TESK1: variants seen among roughly 807,000 people sequenced by gnomAD.
The protein encoded by TESK1 is testis associated actin remodelling kinase 1.
Under a neutral mutation model 59.9 loss-of-function variants are expected in TESK1, and 18 were observed. That is an observed-to-expected ratio of 0.30 (90% CI 0.21 to 0.45). The LOEUF (loss-of-function observed/expected upper bound fraction) is 0.45. TESK1 is among the 20% of genes least tolerant of loss of function. The pLI is 1.00. For synonymous variants in TESK1, 341 were observed against 357.4 expected, an observed-to-expected ratio of 0.95 and a Z score of 0.52; for missense variants, 748 against 840.9, an observed-to-expected ratio of 0.89 and a Z score of 1.37.
chr9:35,607,498 C>T lies in TESK1; in HGVS notation c.621-84C>T, dbSNP rs1822873361. ...CCCCAGGGATGTTTCCCTTGGGGAACGGAGGGAGTTCACCTCATCCCCTTT... is the reference window on the plus strand; with the variant it reads ...CCCCAGGGATGTTTCCCTTGGGGAATGGAGGGAGTTCACCTCATCCCCTTT... On this transcript the variant is annotated intron_variant, in intron 5 of 9. Transcript: ENST00000336395. This position sits in a 1 kb window ranked among gnomAD's most constrained non-coding sequence, Gnocchi z 4.5. 1.3e-5 allele frequency: 20 copies of T among 1,582,244 alleles called. No individual in the cohort carries two copies. The highest frequency in any genetic ancestry group is 1.5e-5 in the Non-Finnish European group (17 of 1,151,654).
In TESK1 at chr9:35,608,930, T is replaced by C. The variant is rs775572983; in HGVS notation, c.1069T>C (p.Ser357Pro). Residue 357 changes from serine (S) to proline (P), a missense_variant, in exon 10 of 10, where the codon TCA becomes CCA. By Grantham distance (74) the Ser-to-Pro change is moderately conservative (BLOSUM62 -1). This residue lies in a region of TESK1 where 447 missense variants were observed against 466.1 expected (regional missense o/e 0.96). Coordinates refer to ENST00000336395, the MANE Select transcript of TESK1 (RefSeq NM_006285.3). ...RPDPRLSRSR[S>P]DLFLPPSPES... Reference sequence around the variant, plus strand: ...AGATCCCCGGCTTTCCCGAAGCCGGTCAGACCTCTTCCTGCCCCCATCACC... The same window carrying C: ...AGATCCCCGGCTTTCCCGAAGCCGGCCAGACCTCTTCCTGCCCCCATCACC... 5 of 1,613,784 alleles carry C rather than the reference T, an allele frequency of 3.1e-6. No individual in the cohort carries two copies. The highest frequency in any genetic ancestry group is 3.3e-5 in the Admixed American group (2 of 59,992).
intron 3 of TESK1, 40 bp downstream of exon 3, chr9:35,606,325 C>T: frequency 1.9e-6 from 3 of 1,610,778 alleles, no homozygotes; most frequent in Non-Finnish European, 2.5e-6. Flanking sequence ...CACCCCCCTT[C>T]ACCCCCAAGG....
chr9:35,607,734 G>A lies in TESK1; in HGVS notation c.711+62G>A. On this transcript the variant is annotated intron_variant, in intron 6 of 9. Coordinates refer to ENST00000336395, the MANE Select transcript of TESK1 (RefSeq NM_006285.3). The surrounding 1 kb of genome is among the most constrained non-coding windows in gnomAD (Gnocchi z 4.5). ...GAGACCCTTGAGGTATTCTCATAAAGCCCCATCCATCCCCAAAACAACCCT... is the reference window on the plus strand; with the variant it reads ...GAGACCCTTGAGGTATTCTCATAAAACCCCATCCATCCCCAAAACAACCCT... 6.8e-7 allele frequency: 1 copy of A among 1,477,094 alleles called. No individual in the cohort carries two copies. Among genetic ancestry groups the A allele is most frequent in the East Asian group, 2.3e-5 (1 of 44,058 alleles). 91.5% of individuals were successfully genotyped at this position (1,477,094 alleles called of 1,614,324 possible).
At chr9:35,606,216 A>G (rs962340203) in intron 2 of TESK1, 21 bp from the exon 3 acceptor site, 14 of 1,614,038 alleles carry the variant, frequency 8.7e-6, no homozygotes, top group East Asian at 2.2e-5. Flanking sequence ...CTATCCTTCT[A>G]TCTTCCCCAT....
rs1414167547 is a variant in TESK1, at chr9:35,607,319, T to C, written c.538-8T>C. 6.2e-7 allele frequency: 1 copy of C among 1,614,126 alleles called. No homozygotes were observed. Among genetic ancestry groups the C allele is most frequent in the South Asian group, 1.1e-5 (1 of 91,086 alleles). On this transcript the variant is annotated splice_region_variant and splice_polypyrimidine_tract_variant and intron_variant, in intron 4 of 9. Coordinates refer to ENST00000336395, the MANE Select transcript of TESK1 (RefSeq NM_006285.3). This position sits in a 1 kb window ranked among gnomAD's most constrained non-coding sequence, Gnocchi z 4.5. ...AGTGCGTGGGGATACTATGTGTGTG[T>C]GTGTCAGAACTGTCTAGTCCGACGG...
In TESK1 at chr9:35,607,534, G is replaced by A. The variant is rs1490225679; in HGVS notation, c.621-48G>A. On this transcript the variant is annotated intron_variant, in intron 5 of 9. Coordinates refer to ENST00000336395, the MANE Select transcript of TESK1 (RefSeq NM_006285.3). This position sits in a 1 kb window ranked among gnomAD's most constrained non-coding sequence, Gnocchi z 4.5. Reference sequence around the variant, plus strand: ...CACCTCATCCCCTTTTGCCTGGGGGGGATGCCTGAATAGGATGCTTCTGAC... The same window carrying A: ...CACCTCATCCCCTTTTGCCTGGGGGAGATGCCTGAATAGGATGCTTCTGAC... The A allele has an allele frequency of 1.3e-6, 2 of 1,582,826 alleles. No homozygotes were observed. Among genetic ancestry groups the A allele is most frequent in the African/African-American group, 1.3e-5 (1 of 74,308 alleles).
In TESK1 at chr9:35,605,835, C is replaced by T. The variant is rs1822835412; in HGVS notation, c.216C>T (p.Tyr72=). Residue 72 remains tyrosine (Y), a synonymous_variant, in exon 1 of 10, where the codon TAC becomes TAT. Transcript: ENST00000336395. ...GGGCCGGCTTCTTCTCTGAGGTCTA[C>T]AAGGTAGGACCGGCCGAGAGGGCAG... ...KIGAGFFSEV[Y]KVRHRQSGQV... The T allele has an allele frequency of 6.2e-7, 1 of 1,610,380 alleles. No homozygotes were observed. The highest frequency in any genetic ancestry group is 8.5e-7 in the Non-Finnish European group (1 of 1,178,908).
In TESK1 at chr9:35,608,867, G is replaced by A. The variant is rs757889189; in HGVS notation, c.1006G>A (p.Val336Ile). 1.3e-6 allele frequency: 2 copies of A among 1,582,810 alleles called. No homozygotes were observed. Among genetic ancestry groups the A allele is most frequent in the South Asian group, 2.3e-5 (2 of 85,558 alleles). The change falls in exon 10 of 10, where the codon GTT (valine) becomes ATT (isoleucine). Residue 336 changes from valine (V) to isoleucine (I), a missense_variant. This residue lies in a region of TESK1 where 447 missense variants were observed against 466.1 expected (regional missense o/e 0.96). Transcript: ENST00000336395. ...RTALTHNQGS[V>I]ARGGPSATLP... ...CCAGACTTCTCTATCTACAGGCTCT[G>A]TTGCAAGAGGGGGTCCCTCTGCCAC...
At position 35,607,666 on chromosome 9, in the gene TESK1, T is replaced by C; in HGVS notation, c.705T>C (p.Asp235=). Reference sequence around the variant, plus strand: ...AGGTGTTACGGGGTGAGCTGTATGATGAGAAGGTGAGACATCAACCCTTCA... The same window carrying C: ...AGGTGTTACGGGGTGAGCTGTATGACGAGAAGGTGAGACATCAACCCTTCA... ...APEVLRGELY[D]EKADVFAFGI... is the part of the protein sequence containing the mutation. Residue 235 remains aspartate, a synonymous_variant, in exon 6 of 10, where the codon GAT becomes GAC. Transcript: ENST00000336395. The surrounding 1 kb of genome is among the most constrained non-coding windows in gnomAD (Gnocchi z 4.5). 1.9e-6 allele frequency: 3 copies of C among 1,613,402 alleles called. No individual in the cohort carries two copies. Among genetic ancestry groups the C allele is most frequent in the Non-Finnish European group, 2.5e-6 (3 of 1,179,450 alleles).
At position 35,607,508 on chromosome 9, in the gene TESK1, TCACCTC is replaced by T. The variant is rs1822873525; in HGVS notation, c.621-73_621-68del. 3 of 1,579,084 alleles carry T rather than the reference TCACCTC, an allele frequency of 1.9e-6. No homozygotes were observed. In the African/African-American group the frequency reaches 4.0e-5, roughly 21 times the overall value. Reference sequence around the variant, plus strand: ...GTTTCCCTTGGGGAACGGAGGGAGTTCACCTCATCCCCTTTTGCCTGGGGGGGATGC... The same window carrying T: ...GTTTCCCTTGGGGAACGGAGGGAGTTATCCCCTTTTGCCTGGGGGGGATGC... On this transcript the variant is annotated intron_variant, in intron 5 of 9. Transcript: ENST00000336395. The surrounding 1 kb of genome is among the most constrained non-coding windows in gnomAD (Gnocchi z 4.5).
intron 3 of TESK1, 78 bp downstream of exon 3, chr9:35,606,363 T>C: frequency 6.4e-7 from 1 of 1,559,762 alleles, no homozygotes; most frequent in South Asian, 1.1e-5. Flanking sequence ...GCCTGGTGGA[T>C]CTACGGAGGA....
chr9:35,606,183 G>A (rs1433115382), intron 2 of TESK1, 54 bp from the exon 3 acceptor site: 2 of 1,614,088 alleles, frequency 1.2e-6, no homozygotes, highest in Non-Finnish European at 1.7e-6. Context: ...TGGAACTGAG[G>A]AGGAGCTGAG....
At position 35,609,779 on chromosome 9, in the gene TESK1, C is replaced by T. The variant is rs777678872; in HGVS notation, c.*37C>T. On this transcript the variant is annotated 3_prime_UTR_variant, in exon 10 of 10. Coordinates refer to ENST00000336395, the MANE Select transcript of TESK1 (RefSeq NM_006285.3). This position sits in a 1 kb window ranked among gnomAD's most constrained non-coding sequence, Gnocchi z 6.7. Reference sequence around the variant, plus strand: ...GTGGTCTCAGGCCTCCAACTTTGGCCTTCAGGACACCCTGTAAGAACAGAG... The same window carrying T: ...GTGGTCTCAGGCCTCCAACTTTGGCTTTCAGGACACCCTGTAAGAACAGAG... The T allele has an allele frequency of 4.6e-6, 7 of 1,511,984 alleles. No homozygotes were observed. Among genetic ancestry groups the T allele is most frequent in the African/African-American group, 2.7e-5 (2 of 72,800 alleles). The allele number at this position is 1,511,984 out of a possible 1,614,324, so 93.7% of individuals were successfully genotyped here.
In TESK1 at chr9:35,605,803, A is replaced by G; in HGVS notation, c.184A>G (p.Lys62Glu). 11 of 1,611,834 alleles carry G rather than the reference A, an allele frequency of 6.8e-6. No individual in the cohort carries two copies. Among genetic ancestry groups the G allele is most frequent in the Non-Finnish European group, 9.3e-6 (11 of 1,179,518 alleles). ...TGTGGACGATTTTCACTGCGCGGAG[A>G]AGATCGGGGCCGGCTTCTTCTCTGA... is the stretch of plus-strand genomic sequence containing the variant. ...ARVDDFHCAE[K>E]IGAGFFSEVY... The change falls in exon 1 of 10, where the codon AAG (lysine) becomes GAG (glutamate). Residue 62 changes from lysine (K) to glutamate (E), a missense_variant. Coordinates refer to ENST00000336395, the MANE Select transcript of TESK1 (RefSeq NM_006285.3).
chr9:35,609,359 T>C lies in TESK1; in HGVS notation c.1498T>C (p.Ser500Pro). 6.2e-7 allele frequency: 1 copy of C among 1,612,926 alleles called. No homozygotes were observed. The highest frequency in any genetic ancestry group is 1.3e-5 in the African/African-American group (1 of 75,014). ...VATDNFISTC[S>P]SASQPWSPRS... is the part of the protein sequence containing the mutation. ...CACAGACAACTTCATCAGCACCTGT[T>C]CCTCGGCCTCCCAACCCTGGTCCCC... Residue 500 changes from serine to proline, a missense_variant, in exon 10 of 10, where the codon TCC becomes CCC. Transcript: ENST00000336395. This position sits in a 1 kb window ranked among gnomAD's most constrained non-coding sequence, Gnocchi z 6.7.
chr9:35,610,007 T>G lies in TESK1; in HGVS notation c.*265T>G, dbSNP rs1055011404. 2 of 428,774 alleles carry G rather than the reference T, an allele frequency of 4.7e-6. No homozygotes were observed. Among genetic ancestry groups the G allele is most frequent in the Non-Finnish European group, 8.2e-6 (2 of 243,218 alleles). 26.6% of individuals were successfully genotyped at this position (428,774 alleles called of 1,614,324 possible). A position where few individuals can be genotyped will look rare whatever the true frequency, so the allele number is the denominator to read the frequency against. ...TTATTTAAAAAGATTTCAATAAAAC[T>G]GCCTGGCTGGCTCCGGGCCGCCCCT... On this transcript the variant is annotated 3_prime_UTR_variant, in exon 10 of 10. Transcript: ENST00000336395.
chr9:35,608,982 A>G lies in TESK1; in HGVS notation c.1121A>G (p.Asn374Ser), dbSNP rs760778879. ...SPESPPNWGD[N>S]LTRVNPFSLR... The stretch of plus-strand genomic sequence containing the variant: ...GAATCACCCCCCAACTGGGGGGACA[A>G]TCTGACTCGAGTCAACCCCTTCTCA... Residue 374 changes from asparagine to serine, a missense_variant, in exon 10 of 10, where the codon AAT becomes AGT. Transcript: ENST00000336395. 21 of 1,614,144 alleles carry G rather than the reference A, an allele frequency of 1.3e-5. No individual in the cohort carries two copies. The highest frequency in any genetic ancestry group is 4.4e-5 in the South Asian group (4 of 91,082).
rs1160012641 is a variant in TESK1, at chr9:35,605,313, C to G, written c.-307C>G. Reference sequence around the variant, plus strand: ...GAGCAGCCGCCGCCCGCCCGCCCGCCCGCCTCCGCCCGCGGCAAGCCAGCC... The same window carrying G: ...GAGCAGCCGCCGCCCGCCCGCCCGCGCGCCTCCGCCCGCGGCAAGCCAGCC... On this transcript the variant is annotated 5_prime_UTR_variant, in exon 1 of 10. Transcript: ENST00000336395. 2.7e-5 allele frequency: 4 copies of G among 148,172 alleles called. No homozygotes were observed. The highest frequency in any genetic ancestry group is 2.0e-4 in the East Asian group (1 of 5,098). The allele number at this position is 148,172 out of a possible 1,614,324, so 9.2% of individuals were successfully genotyped here.
At chr9:35,606,195 C>G (rs373348162) in intron 2 of TESK1, 42 bp from the exon 3 acceptor site, 4 of 1,614,006 alleles carry the variant, frequency 2.5e-6, no homozygotes, top group Middle Eastern at 1.6e-4. Flanking sequence ...GGAGCTGAGG[C>G]CTTTAATAGC....
Sources: allele counts gnomAD v4.1 joint callset, GRCh38; gene constraint gnomAD v4.1.1; regional missense constraint gnomAD v4.1.1; non-coding constraint Gnocchi (gnomAD v3.1); transcripts MANE v1.5; gene names NCBI Gene and HGNC (gene_info 2026-07-23, HGNC 2026-07-21).